The following GLIS3 variants were observed in gnomAD, a reference collection of about 807,000 sequenced individuals.
GLIS3 encodes the protein GLIS family zinc finger 3, also known as zinc finger protein GLIS3.
Under a neutral mutation model 78.6 loss-of-function variants are expected in GLIS3, and 53 were observed. The ratio of observed to expected loss-of-function variants is 0.67; its 90% confidence interval spans 0.54 to 0.85. The LOEUF (loss-of-function observed/expected upper bound fraction) is 0.85, where lower values mean the gene tolerates loss of function less well. Ranked by LOEUF, GLIS3 falls within the 40% of genes least tolerant of loss-of-function variation. The pLI is 0.00. For synonymous variants in GLIS3, 684 were observed against 509.9 expected (o/e 1.34, Z -4.60); for missense variants, 1,703 against 1,231.1 (o/e 1.38, Z -5.74).
At chr9:4,279,125 C>A (rs111973134) in intron 2 of GLIS3, among the ~76,000 whole-genome samples, 8,682 of 151,624 alleles carry the variant, frequency 0.057, 572 homozygotes, top group African/African-American at 0.16. Flanking sequence ...GATGGTGAAA[C>A]CCCATCTCTA....
intron 2 of GLIS3, among the ~76,000 whole-genome samples, chr9:4,212,886 G>T (rs1820496136): frequency 6.6e-6 from 1 of 152,274 alleles, no homozygotes; most frequent in East Asian, 1.9e-4. Context: ...GAGGGGTATG[G>T]GGAGGCAGTG....
intron 2 of GLIS3, among the ~76,000 whole-genome samples, chr9:4,173,144 A>C (rs530402821): frequency 6.6e-6 from 1 of 152,232 alleles, no homozygotes; most frequent in African/African-American, 2.4e-5. Context: ...CCTTATCTTT[A>C]AATCTGGCAA....
At chr9:4,441,883 G>T in the GLIS3 span, among the ~76,000 whole-genome samples, 1 of 152,178 alleles carries the variant, frequency 6.6e-6, no homozygotes, top group Non-Finnish European at 1.5e-5. Context: ...GGCATTACAG[G>T]CGTGAGCCAC....
intron 2 of GLIS3, among the ~76,000 whole-genome samples, chr9:4,128,865 A>C (rs1832759524): frequency 1.3e-5 from 2 of 152,182 alleles, no homozygotes; most frequent in Admixed American, 1.3e-4. Context: ...TCCTACTCCC[A>C]AATTCACTGG....
At position 4,118,783 on chromosome 9, in the gene GLIS3, C is replaced by G; in HGVS notation, c.695G>C (p.Arg232Thr). Reference protein sequence around the residue: ...SMKQEWSQGYRALPSLSNHGS... With the variant: ...SMKQEWSQGYTALPSLSNHGS... ...GTGGTTGGAGAGCGAAGGGAGGGCC[C>G]TGTAGCCCTGGGACCACTCCTGCTT... Residue 232 changes from arginine (R) to threonine (T), a missense_variant, in exon 4 of 11, where the codon AGG becomes ACG. By Grantham distance (71) the Arg-to-Thr change is moderately conservative. Transcript: ENST00000381971. The surrounding 1 kb of genome is among the most constrained non-coding windows in gnomAD (Gnocchi z 4.7). The G allele has an allele frequency of 6.2e-7, 1 of 1,612,156 alleles. No homozygotes were observed. Among genetic ancestry groups the G allele is most frequent in the Non-Finnish European group, 8.5e-7 (1 of 1,180,010 alleles).
chr9:4,217,831 G>T (rs531541260), intron 2 of GLIS3, among the ~76,000 whole-genome samples: 28 of 152,264 alleles, frequency 1.8e-4, no homozygotes, highest in African/African-American at 6.7e-4. Flanking sequence ...GATTTCCGTG[G>T]AATTAAATTC....
intron 9 of GLIS3, among the ~76,000 whole-genome samples, chr9:3,837,803 T>G (rs1182106298): frequency 1.3e-5 from 2 of 152,212 alleles, no homozygotes; most frequent in Non-Finnish European, 2.9e-5. Context: ...GTAGCGAAGC[T>G]ATTCCGTATG....
Position 3,949,416 on chromosome 9 carries a change from G to A in GLIS3, c.1711-12227C>T, listed in dbSNP as rs536806291. Among the ~76,000 whole-genome samples the A allele has an allele frequency of 2.2e-3, 331 of 152,210 alleles. 2 individuals carry two copies. Among genetic ancestry groups the A allele is most frequent in the Non-Finnish European group, 4.0e-3 (272 of 68,002 alleles). Reference sequence around the variant, plus strand: ...GCCACTCAGAAGCCTGGGCTGCTGAGAAAAAAATGCAAAGTGATACCTGGC... The same window carrying A: ...GCCACTCAGAAGCCTGGGCTGCTGAAAAAAAAATGCAAAGTGATACCTGGC... On this transcript the variant is annotated intron_variant, in intron 4 of 10. Coordinates refer to ENST00000381971, the MANE Select transcript of GLIS3 (RefSeq NM_001042413.2).
chr9:3,968,867 C>T (rs1347117102), intron 4 of GLIS3, among the ~76,000 whole-genome samples: 2 of 152,160 alleles, frequency 1.3e-5, no homozygotes, highest in African/African-American at 4.8e-5. Flanking sequence ...TTACTTCATC[C>T]ACTGGGGTTT....
the GLIS3 span, among the ~76,000 whole-genome samples, chr9:4,440,291 C>G: frequency 6.6e-6 from 1 of 152,148 alleles, no homozygotes; most frequent in Non-Finnish European, 1.5e-5. Flanking sequence ...AAGCATTTCT[C>G]CAATGTTTTC....
chr9:3,912,325 A>T (rs1228250933), intron 6 of GLIS3, among the ~76,000 whole-genome samples: 1 of 152,202 alleles, frequency 6.6e-6, no homozygotes, highest in Non-Finnish European at 1.5e-5. Flanking sequence ...ATATGAGCAC[A>T]GTTTTCCAGG....
intron 4 of GLIS3, among the ~76,000 whole-genome samples, chr9:3,966,435 C>CT (rs764863612): frequency 2.2e-4 from 33 of 150,828 alleles, no homozygotes; most frequent in South Asian, 6.3e-4. Flanking sequence ...TGATGCAAAG[C>CT]CTTTTTTTTT....
At chr9:4,448,369 T>C in the GLIS3 span, among the ~76,000 whole-genome samples, 1 of 152,184 alleles carries the variant, frequency 6.6e-6, no homozygotes, top group Non-Finnish European at 1.5e-5. Flanking sequence ...ACCCATCCCA[T>C]GCTTGTGAGC....
chr9:3,898,663 T>C (rs1823051244), intron 7 of GLIS3, 28 bp downstream of exon 7: 6 of 1,613,836 alleles, frequency 3.7e-6, no homozygotes, highest in Non-Finnish European at 5.1e-6. Context: ...AGGGTAGTTG[T>C]GGTTGGCTCT....
At chr9:4,456,294 G>A in the GLIS3 span, among the ~76,000 whole-genome samples, 3 of 152,312 alleles carry the variant, frequency 2.0e-5, no homozygotes, top group South Asian at 4.1e-4. Flanking sequence ...GATGGCTGCT[G>A]ACAGATCAGA....
At chr9:4,263,705 A>G (rs533971018) in intron 2 of GLIS3, among the ~76,000 whole-genome samples, 64 of 152,270 alleles carry the variant, frequency 4.2e-4, no homozygotes, top group African/African-American at 1.4e-3. Context: ...ATCTTCCCCA[A>G]TGCAATAGAG....
intron 4 of GLIS3, among the ~76,000 whole-genome samples, chr9:4,055,150 A>T (rs184897685): frequency 1.0e-3 from 154 of 152,320 alleles, no homozygotes; most frequent in African/African-American, 3.5e-3. Context: ...ACCAAGAATG[A>T]ACAGTGCAAC....
At chr9:3,917,287 C>T (rs1824575916) in intron 6 of GLIS3, among the ~76,000 whole-genome samples, 1 of 152,156 alleles carries the variant, frequency 6.6e-6, no homozygotes, top group Admixed American at 6.5e-5. Flanking sequence ...GGGGCAATAC[C>T]ACGACAGCAT....
At chr9:4,465,506 G>A in the GLIS3 span, among the ~76,000 whole-genome samples, 78 of 150,772 alleles carry the variant, frequency 5.2e-4, no homozygotes, top group African/African-American at 1.9e-3. Flanking sequence ...CCAAGATCAT[G>A]CCATTGCACT....
Sources: gnomAD v4.1 joint callset for allele counts (sites outside exome capture counted in the v4.1 genomes callset) on GRCh38, gnomAD v4.1.1 for gene constraint, Gnocchi (gnomAD v3.1) non-coding constraint, MANE v1.5 for transcripts, NCBI Gene and HGNC (gene_info 2026-07-23, HGNC 2026-07-21) for gene names.